CCSER1: variants seen among roughly 807,000 people sequenced by gnomAD.
CCSER1 encodes the protein coiled-coil serine rich protein 1.
Under a neutral mutation model 82.0 loss-of-function variants are expected in CCSER1, and 41 were observed. The ratio of observed to expected loss-of-function variants is 0.50; its 90% CI spans 0.39 to 0.65. CCSER1 has a LOEUF of 0.65. Among genes scored for constraint, CCSER1 ranks in the 30% least tolerant of loss-of-function variants. The probability of loss-of-function intolerance (pLI) is 0.00; values close to 1 mark genes in which losing one functional copy is unlikely to be tolerated. For missense variants in CCSER1, 1,119 were observed against 1,064.2 expected (o/e 1.05, Z -0.72); for synonymous variants, 414 against 383.9 (o/e 1.08, Z -0.92).
chr4:90,290,232 A>G (rs1476860138), intron 1 of CCSER1, among the ~76,000 whole-genome samples: 1 of 151,908 alleles, frequency 6.6e-6, no homozygotes, highest in Admixed American at 6.6e-5. Flanking sequence ...CCAGAATGCT[A>G]TACTAAGATG....
chr4:91,078,162 C>G (rs1343131000), intron 9 of CCSER1, among the ~76,000 whole-genome samples: 2 of 152,186 alleles, frequency 1.3e-5, no homozygotes, highest in African/African-American at 4.8e-5. Context: ...GTTCCTGACC[C>G]CTGAGTAGCC....
At chr4:90,420,435 G>T (rs1241999387) in intron 4 of CCSER1, among the ~76,000 whole-genome samples, 2 of 151,976 alleles carry the variant, frequency 1.3e-5, no homozygotes, top group African/African-American at 4.8e-5. Flanking sequence ...CACATAGTTT[G>T]CTTGTAATAA....
At chr4:90,574,017 ATTG>A (rs1780410358) in intron 5 of CCSER1, among the ~76,000 whole-genome samples, 1 of 151,274 alleles carries the variant, frequency 6.6e-6, no homozygotes, top group Non-Finnish European at 1.5e-5. Context: ...AATGAAGGAT[ATTG>A]TTTTTTTTTT....
At chr4:91,534,629 T>C (rs970064628) in intron 10 of CCSER1, among the ~76,000 whole-genome samples, 3 of 152,012 alleles carry the variant, frequency 2.0e-5, no homozygotes, top group African/African-American at 7.2e-5. Flanking sequence ...ATTATTGCTA[T>C]TGTTGCTATT....
chr4:90,556,003 C>G (rs1229108151), intron 5 of CCSER1, among the ~76,000 whole-genome samples: 2 of 152,084 alleles, frequency 1.3e-5, no homozygotes, highest in Admixed American at 1.3e-4. Flanking sequence ...ATTAAATGCA[C>G]ACATGCAGTT....
At chr4:91,037,801 ATAAC>A (rs201933858) in intron 9 of CCSER1, among the ~76,000 whole-genome samples, 2,546 of 152,048 alleles carry the variant, frequency 0.017, 31 homozygotes, top group Middle Eastern at 0.034. Flanking sequence ...TATTTAATAA[ATAAC>A]TACAGAATAT....
rs142343973 is a variant in CCSER1 at position 91,392,363 on chromosome 4, GCA to G, written c.2218-206183_2218-206182del. ...AGTTAGCAATATGAAACCTACACAT[GCA>G]CACACACACACACACACACACACAC... On this transcript the variant is annotated intron_variant, in intron 10 of 10. Transcript: ENST00000509176. 4.5e-3 allele frequency among the ~76,000 whole-genome samples: 664 copies of G among 148,158 alleles called. 2 individuals are homozygous for G. The highest frequency in any genetic ancestry group is 0.014 in the African/African-American group (584 of 40,298).
intron 1 of CCSER1, among the ~76,000 whole-genome samples, chr4:90,207,097 G>T (rs35590435): frequency 0.015 from 2,290 of 151,914 alleles, 27 homozygotes; most frequent in Non-Finnish European, 0.025. Flanking sequence ...TGTGAGATGG[G>T]TCTCCTGAAT....
At chr4:90,958,819 G>A (rs1284090636) in intron 9 of CCSER1, among the ~76,000 whole-genome samples, 1 of 152,106 alleles carries the variant, frequency 6.6e-6, no homozygotes, top group East Asian at 1.9e-4. Flanking sequence ...ATAAATACTT[G>A]TTGTTTAAGC....
chr4:90,487,269 C>T (rs1767256115), intron 5 of CCSER1, among the ~76,000 whole-genome samples: 1 of 152,182 alleles, frequency 6.6e-6, no homozygotes, highest in African/African-American at 2.4e-5. Context: ...ATCAACACAG[C>T]CAGAATTCCT....
intron 9 of CCSER1, among the ~76,000 whole-genome samples, chr4:90,950,293 T>G (rs1003673621): frequency 6.6e-6 from 1 of 152,280 alleles, no homozygotes; most frequent in Non-Finnish European, 1.5e-5. Flanking sequence ...ATCATATAGC[T>G]TCTACATTTC....
intron 10 of CCSER1, among the ~76,000 whole-genome samples, chr4:91,346,408 G>A (rs2870313): frequency 0.27 from 41,569 of 152,034 alleles, 6,484 homozygotes; most frequent in Middle Eastern, 0.4. Context: ...GGATGGTTCC[G>A]AATTATGGCA....
In CCSER1 at chr4:90,178,840, A is replaced by G. The variant is rs977109369; in HGVS notation, c.-42+51009A>G. 2.6e-4 allele frequency among the ~76,000 whole-genome samples: 39 copies of G among 152,216 alleles called. 1 individual carries two copies. The highest frequency in any genetic ancestry group is 8.7e-4 in the African/African-American group (36 of 41,474). On this transcript the variant is annotated intron_variant, in intron 1 of 10. Coordinates refer to ENST00000509176, the MANE Select transcript of CCSER1 (RefSeq NM_001145065.2). ...ATATAAAGCATGTTCATATTTTTCA[A>G]TAAAATTCTATATGATATGCTCCGC... is the stretch of plus-strand genomic sequence containing the variant.
chr4:91,535,264 T>C (rs1761238094), intron 10 of CCSER1, among the ~76,000 whole-genome samples: 1 of 152,044 alleles, frequency 6.6e-6, no homozygotes, highest in Admixed American at 6.6e-5. Context: ...AGCCAATTTA[T>C]GACATTAATA....
chr4:91,287,142 T>A (rs1743336697), intron 10 of CCSER1, among the ~76,000 whole-genome samples: 1 of 151,872 alleles, frequency 6.6e-6, no homozygotes, highest in African/African-American at 2.4e-5. Flanking sequence ...CCAGTCAAGT[T>A]TTTTTCCTAC....
intron 5 of CCSER1, among the ~76,000 whole-genome samples, chr4:90,621,020 T>C (rs1260701968): frequency 6.6e-6 from 1 of 152,090 alleles, no homozygotes; most frequent in African/African-American, 2.4e-5. Flanking sequence ...GGTTTCACCA[T>C]GTTGTCCAGG....
intron 9 of CCSER1, among the ~76,000 whole-genome samples, chr4:91,025,134 G>A (rs889229436): frequency 2.0e-5 from 3 of 152,082 alleles, no homozygotes; most frequent in African/African-American, 7.2e-5. Context: ...TCTGAAGATT[G>A]TAAAGATTTA....
At chr4:90,137,861 T>G (rs1200202117) in intron 1 of CCSER1, among the ~76,000 whole-genome samples, 1 of 152,230 alleles carries the variant, frequency 6.6e-6, no homozygotes, top group Non-Finnish European at 1.5e-5. Flanking sequence ...TTACTAACCT[T>G]CCATCATTTG....
At chr4:90,514,009 G>A (rs1029473315) in intron 5 of CCSER1, among the ~76,000 whole-genome samples, 1 of 152,122 alleles carries the variant, frequency 6.6e-6, no homozygotes, top group African/African-American at 2.4e-5. Flanking sequence ...TGAGAGAATC[G>A]TGGGAGAAGC....
Sources: gnomAD v4.1 joint callset for allele counts (sites outside exome capture counted in the v4.1 genomes callset) on GRCh38, gnomAD v4.1.1 for gene constraint, MANE v1.5 for transcripts, NCBI Gene and HGNC (gene_info 2026-07-23, HGNC 2026-07-21) for gene names.